ZNF541: variants seen among roughly 807,000 people sequenced by gnomAD.
ZNF541 encodes the protein zinc finger protein 541.
A neutral mutation model predicts 123.5 loss-of-function variants in ZNF541; 23 were observed. The ratio of observed to expected loss-of-function variants is 0.19; its 90% CI spans 0.13 to 0.26. ZNF541 has a LOEUF of 0.26. Ranked by LOEUF, ZNF541 falls within the 10% of genes least tolerant of loss-of-function variation. ZNF541 has a pLI of 1.00. For synonymous variants in ZNF541, 751 were observed against 754.5 expected, an observed-to-expected ratio of 1.00 and a Z score of 0.08; for missense variants, 1,612 against 1,789.9, an observed-to-expected ratio of 0.90 and a Z score of 1.79.
At chr19:47,567,952 A>C (rs1267788186) in intron 2 of ZNF541, among the ~76,000 whole-genome samples, 3 of 152,184 alleles carry the variant, frequency 2.0e-5, no homozygotes, top group Non-Finnish European at 4.4e-5. Context: ...AATCCACTTA[A>C]CATTTACTCT....
intron 9 of ZNF541, among the ~76,000 whole-genome samples, chr19:47,536,728 A>T (rs893753215): frequency 6.6e-6 from 1 of 152,218 alleles, no homozygotes. Flanking sequence ...ACTGCACTCC[A>T]GCCTGGGTGA....
Position 47,521,158 on chromosome 19 carries a change from C to T in ZNF541, c.*66G>A, listed in dbSNP as rs1440982121. ...GGGAGGCAGAGGGGTGCCCCAAACG[C>T]CCTGGAGAGGCCGAAGGGAGGAGGG... On this transcript the variant is annotated 3_prime_UTR_variant, in exon 17 of 17. Coordinates refer to ENST00000391901, the MANE Select transcript of ZNF541 (RefSeq NM_001277075.3). This position sits in a 1 kb window ranked among gnomAD's most constrained non-coding sequence, Gnocchi z 4.2. 2.0e-6 allele frequency: 3 copies of T among 1,516,492 alleles called. No individual in the cohort carries two copies. In the Admixed American group the frequency reaches 6.1e-5, roughly 31 times the overall value. The allele number at this position is 1,516,492 out of a possible 1,614,324, so 93.9% of individuals were successfully genotyped here. A position where few individuals can be genotyped will look rare whatever the true frequency, so the allele number is the denominator to read the frequency against.
In ZNF541 at chr19:47,532,278, G is replaced by A; in HGVS notation, c.3159-8C>T. Reference sequence around the variant, plus strand: ...CTTCCTATATTGATATGTCTGAAATGAGGCCACACACAGATAAGGGAGACG... The same window carrying A: ...CTTCCTATATTGATATGTCTGAAATAAGGCCACACACAGATAAGGGAGACG... On this transcript the variant is annotated splice_polypyrimidine_tract_variant and splice_region_variant and intron_variant, in intron 10 of 16. Coordinates refer to ENST00000391901, the MANE Select transcript of ZNF541 (RefSeq NM_001277075.3). 6.4e-7 allele frequency: 1 copy of A among 1,551,834 alleles called. No individual in the cohort carries two copies. The highest frequency in any genetic ancestry group is 8.7e-7 in the Non-Finnish European group (1 of 1,147,072).
At chr19:47,558,190 G>A (rs552736228) in intron 2 of ZNF541, among the ~76,000 whole-genome samples, 24 of 152,192 alleles carry the variant, frequency 1.6e-4, no homozygotes, top group Non-Finnish European at 3.2e-4. Context: ...ACCGAGGTGG[G>A]CGGATCATGA....
chr19:47,549,775 C>A (rs757765267), intron 3 of ZNF541, among the ~76,000 whole-genome samples: 2 of 152,094 alleles, frequency 1.3e-5, no homozygotes, highest in Non-Finnish European at 2.9e-5. Flanking sequence ...TCACCTGGTA[C>A]TCTTGGAACG....
chr19:47,547,342 T>G (rs1432985398), intron 4 of ZNF541, among the ~76,000 whole-genome samples: 3 of 152,160 alleles, frequency 2.0e-5, no homozygotes, highest in Non-Finnish European at 4.4e-5. Context: ...TGCCTATAGT[T>G]TCTGCAAACA....
rs768901088 is a variant in ZNF541, at chr19:47,544,448, G to A, written c.2081C>T (p.Pro694Leu). 9 of 1,551,570 alleles carry A rather than the reference G, an allele frequency of 5.8e-6. No homozygotes were observed. In the African/African-American group the frequency reaches 9.6e-5, roughly 17 times the overall value. The change falls in exon 5 of 17, where the codon CCC becomes CTC. Residue 694 changes from proline (P) to leucine (L), a missense_variant. By Grantham distance (98) the Pro-to-Leu change is moderately conservative (BLOSUM62 -3). Transcript: ENST00000391901. ...CTGGGTCTGCCGTTGGCCTGTGGAG[G>A]GGAAGATGTCCTCCAGGTCCAAGGT... The part of the protein sequence containing the change: ...KGTLDLEDIF[P>L]STGQRQTQLG...
intron 3 of ZNF541, among the ~76,000 whole-genome samples, chr19:47,553,950 A>T (rs1970712085): frequency 6.6e-6 from 1 of 152,234 alleles, no homozygotes; most frequent in Non-Finnish European, 1.5e-5. Context: ...TCACAGAAAC[A>T]CTTTAACAGT....
In ZNF541 at chr19:47,545,806, G is replaced by A; in HGVS notation, c.723C>T (p.His241=). 1.3e-5 allele frequency: 20 copies of A among 1,545,284 alleles called. No individual in the cohort carries two copies. Among genetic ancestry groups the A allele is most frequent in the South Asian group, 2.4e-5 (2 of 83,804 alleles). ...GCGGCTGGCCGGCCGACTCGTGGGC[G>A]TGGGGGGAGTCCCCGCAGGCCTCTT... is the stretch of plus-strand genomic sequence containing the variant. ...PEEEACGDSP[H]AHESAGQPPP... Residue 241 remains histidine, a synonymous_variant, in exon 5 of 17, where the codon CAC becomes CAT. Transcript: ENST00000391901. This position sits in a 1 kb window ranked among gnomAD's most constrained non-coding sequence, Gnocchi z 7.5.
chr19:47,565,613 A>T (rs908439981), intron 2 of ZNF541, among the ~76,000 whole-genome samples: 4 of 152,160 alleles, frequency 2.6e-5, no homozygotes, highest in Admixed American at 6.6e-5. Flanking sequence ...GGCCTGCTAA[A>T]CCCAAAAGGG....
chr19:47,538,108 G>A (rs919200046), intron 9 of ZNF541, 34 bp downstream of exon 9: 5 of 1,548,038 alleles, frequency 3.2e-6, no homozygotes, highest in Non-Finnish European at 4.4e-6. Context: ...AATCCACCCT[G>A]GGATCACAGA....
At position 47,532,984 on chromosome 19, in the gene ZNF541, A is replaced by G; in HGVS notation, c.3095-12T>C. ...CCCATCCACTTGATCTAGAAAGCAC[A>G]GAGTGAAAAGGCTCAAGAAGACAGA... is the stretch of plus-strand genomic sequence containing the variant. On this transcript the variant is annotated splice_polypyrimidine_tract_variant and intron_variant, in intron 9 of 16. Transcript: ENST00000391901. The G allele has an allele frequency of 6.5e-7, 1 of 1,546,536 alleles. No individual in the cohort carries two copies. Among genetic ancestry groups the G allele is most frequent in the Non-Finnish European group, 8.7e-7 (1 of 1,144,292 alleles).
chr19:47,545,494 C>T lies in ZNF541; in HGVS notation c.1035G>A (p.Pro345=), dbSNP rs1172370078. 2.7e-6 allele frequency: 4 copies of T among 1,495,030 alleles called. No individual in the cohort carries two copies. The highest frequency in any genetic ancestry group is 2.3e-5 in the Admixed American group (1 of 42,690). 92.6% of individuals were successfully genotyped at this position (1,495,030 alleles called of 1,614,324 possible). ...TAGGGGCTGTGAACACGTCAGTGGC[C>T]GGCTCTTTCTGTGGGAGGCAAGGCT... is the stretch of plus-strand genomic sequence containing the variant. The part of the protein sequence containing the change: ...PEEPCLPQKE[P]ATDVFTAPNS... Residue 345 remains proline, a synonymous_variant, in exon 5 of 17, where the codon CCG becomes CCA. Transcript: ENST00000391901. This position sits in a 1 kb window ranked among gnomAD's most constrained non-coding sequence, Gnocchi z 7.5.
At chr19:47,563,013 C>T (rs1971125187) in intron 2 of ZNF541, among the ~76,000 whole-genome samples, 1 of 152,168 alleles carries the variant, frequency 6.6e-6, no homozygotes, top group Admixed American at 6.6e-5. Flanking sequence ...GAGTTTGGGA[C>T]TAGATTTCTA....
At chr19:47,526,779 T>C (rs767263920) in intron 14 of ZNF541, among the ~76,000 whole-genome samples, 3 of 152,138 alleles carry the variant, frequency 2.0e-5, no homozygotes, top group Non-Finnish European at 2.9e-5. Context: ...TGTTTGGCGG[T>C]TTCTTAAAAA....
At position 47,544,141 on chromosome 19, in the gene ZNF541, T is replaced by C. The variant is rs1600005183; in HGVS notation, c.2388A>G (p.Ile796Met). 1 of 1,549,654 alleles carries C rather than the reference T, an allele frequency of 6.5e-7. No homozygotes were observed. Among genetic ancestry groups the C allele is most frequent in the East Asian group, 2.4e-5 (1 of 40,852 alleles). Residue 796 changes from isoleucine to methionine, a missense_variant, in exon 5 of 17, where the codon ATA becomes ATG. This residue lies in a region of ZNF541 where 1,080 missense variants were observed against 1,013.8 expected (regional missense o/e 1.07). Transcript: ENST00000391901. ...PADPSKSKLTIFSRIQGGNIY... is the reference protein window; with the variant it reads ...PADPSKSKLTMFSRIQGGNIY... ...GAGCTGGTACCTGGATTCTGCTGAA[T>C]ATTGTCAGCTTGGACTTGGAGGGAT... is the stretch of plus-strand genomic sequence containing the variant.
rs1329892598 is a variant in ZNF541, at chr19:47,549,272, C to G, written c.521G>C (p.Ser174Thr). 1.3e-6 allele frequency: 2 copies of G among 1,551,944 alleles called. No individual in the cohort carries two copies. Among genetic ancestry groups the G allele is most frequent in the African/African-American group, 2.7e-5 (2 of 73,024 alleles). ...GTGGTCCTGGCGCTTAAAGGCCTTG[C>G]TGCAGATTTTGCAGACGTGCTTCCT... The part of the protein sequence containing the change: ...QERKHVCKIC[S>T]KAFKRQDHLT... Residue 174 changes from serine to threonine, a missense_variant, in exon 4 of 17, where the codon AGC becomes ACC. Physicochemically the swap from Ser to Thr is moderately conservative, Grantham distance 58. Coordinates refer to ENST00000391901, the MANE Select transcript of ZNF541 (RefSeq NM_001277075.3).
intron 3 of ZNF541, among the ~76,000 whole-genome samples, chr19:47,551,165 C>T (rs1472956291): frequency 1.3e-5 from 2 of 150,964 alleles, no homozygotes; most frequent in Non-Finnish European, 3.0e-5. Context: ...TCAGCCTCTG[C>T]AGTAGCTGGG....
chr19:47,562,022 G>A (rs1971082563), intron 2 of ZNF541, among the ~76,000 whole-genome samples: 1 of 152,348 alleles, frequency 6.6e-6, no homozygotes, highest in Admixed American at 6.5e-5. Context: ...GCCGAGGCGG[G>A]TGGATCACCT....
Sources: allele counts gnomAD v4.1 joint callset (sites outside exome capture counted in the v4.1 genomes callset), GRCh38; gene constraint gnomAD v4.1.1; regional missense constraint gnomAD v4.1.1; non-coding constraint Gnocchi (gnomAD v3.1); transcripts MANE v1.5; gene names NCBI Gene and HGNC (gene_info 2026-07-23, HGNC 2026-07-21).